Variants in CEP192 observed in about 807,000 individuals in gnomAD.
CEP192 encodes the protein centrosomal protein 192, also known as centrosomal protein of 192 kDa.
Under a neutral mutation model 271.8 loss-of-function variants are expected in CEP192, and 151 were observed. The observed-to-expected ratio is 0.56, with a 90% confidence interval of 0.49 to 0.64. The LOEUF (loss-of-function observed/expected upper bound fraction) is 0.64. CEP192 is among the 30% of genes least tolerant of loss of function. CEP192 has a pLI of 0.00. For synonymous variants in CEP192, 995 were observed against 1,076.5 expected (o/e 0.92, Z 1.48); for missense variants, 2,910 against 3,020.5 (o/e 0.96, Z 0.86).
intron 1 of CEP192, among the ~76,000 whole-genome samples, chr18:12,991,816 T>A (rs1402041495): frequency 6.6e-6 from 1 of 152,240 alleles, no homozygotes; most frequent in East Asian, 1.9e-4. Context: ...TGCAGTGTGC[T>A]TGTGAAGTGA....
chr18:13,056,550 T>C lies in CEP192; in HGVS notation c.3960T>C (p.Ser1320=). ...TTTGTCTAGGATCAAATATCGGCTCTGGATGGATGGGTACCTCTTCCCTCT... is the reference window on the plus strand; with the variant it reads ...TTTGTCTAGGATCAAATATCGGCTCCGGATGGATGGGTACCTCTTCCCTCT... The part of the protein sequence containing the change: ...VGICLGSNIG[S]GWMGTSSLCN... The change falls in exon 19 of 45, where the codon TCT becomes TCC. Residue 1320 remains serine (S), a synonymous_variant. Coordinates refer to ENST00000506447, the MANE Select transcript of CEP192 (RefSeq NM_032142.4). 1 of 1,614,252 alleles carries C rather than the reference T, an allele frequency of 6.2e-7. No homozygotes were observed. The highest frequency in any genetic ancestry group is 1.1e-5 in the South Asian group (1 of 91,088).
Position 13,071,126 on chromosome 18 carries a change from G to A in CEP192, c.5262G>A (p.Leu1754=). The change falls in exon 28 of 45, where the codon CTG becomes CTA. Residue 1754 remains leucine (L), a synonymous_variant. Coordinates refer to ENST00000506447, the MANE Select transcript of CEP192 (RefSeq NM_032142.4). ...GEVISSGSKP[L]SPGPCLDIPS... The stretch of plus-strand genomic sequence containing the variant: ...TCATTTCTTCAGGAAGTAAACCTCT[G>A]TCACCTGGACCTTGCTTAGATATTC... The A allele has an allele frequency of 6.2e-7, 1 of 1,614,126 alleles. No individual in the cohort carries two copies. The highest frequency in any genetic ancestry group is 1.3e-5 in the African/African-American group (1 of 75,046).
At chr18:13,118,953 C>G (rs2040550227) in intron 44 of CEP192, among the ~76,000 whole-genome samples, 1 of 152,162 alleles carries the variant, frequency 6.6e-6, no homozygotes, top group Non-Finnish European at 1.5e-5. Flanking sequence ...GAGAAAGGCC[C>G]AAGTTTAAAA....
intron 21 of CEP192, among the ~76,000 whole-genome samples, chr18:13,066,480 T>C (rs1431406776): frequency 6.6e-6 from 1 of 152,200 alleles, no homozygotes; most frequent in African/African-American, 2.4e-5. Flanking sequence ...TCATTGAGGC[T>C]GCTTTTTGCT....
intron 4 of CEP192, 147 bp downstream of exon 4, chr18:13,008,778 A>T: frequency 1.6e-6 from 1 of 606,948 alleles, no homozygotes. Flanking sequence ...ATCACAGCTC[A>T]CTGCAGCCTC....
chr18:13,117,752 C>T lies in CEP192; in HGVS notation c.7475+109C>T, dbSNP rs2040498793. The T allele has an allele frequency of 3.9e-6, 3 of 775,400 alleles. No individual in the cohort carries two copies. In the South Asian group the frequency reaches 4.8e-5, roughly 12 times the overall value. 48.0% of individuals were successfully genotyped at this position (775,400 alleles called of 1,614,324 possible). A position where few individuals can be genotyped will look rare whatever the true frequency, so the allele number is the denominator to read the frequency against. ...TGCTGCAGGTCCTCCATATTCCTCA[C>T]CAGCACCAAACAGCATTAGGCAGAG... On this transcript the variant is annotated intron_variant, in intron 44 of 44. Coordinates refer to ENST00000506447, the MANE Select transcript of CEP192 (RefSeq NM_032142.4).
At chr18:13,005,318 A>C (rs1237607330) in intron 3 of CEP192, among the ~76,000 whole-genome samples, 4 of 152,184 alleles carry the variant, frequency 2.6e-5, no homozygotes, top group Non-Finnish European at 5.9e-5. Context: ...TAGAAGGCAC[A>C]GTAGAAGGGT....
At chr18:13,114,911 C>G (rs1262364234) in intron 42 of CEP192, among the ~76,000 whole-genome samples, 1 of 152,144 alleles carries the variant, frequency 6.6e-6, no homozygotes, top group East Asian at 1.9e-4. Flanking sequence ...AAAACTTATA[C>G]CAGCCGCATA....
intron 17 of CEP192, among the ~76,000 whole-genome samples, chr18:13,050,807 T>C (rs2036743941): frequency 6.6e-6 from 1 of 152,158 alleles, no homozygotes; most frequent in Non-Finnish European, 1.5e-5. Flanking sequence ...TTTGAACTCC[T>C]GACCTCAGGT....
Position 13,049,283 on chromosome 18 carries a change from G to A in CEP192, c.2492G>A (p.Ser831Asn), listed in dbSNP as rs377052918. 2.5e-6 allele frequency: 4 copies of A among 1,614,026 alleles called. No individual in the cohort carries two copies. In the Admixed American group the frequency reaches 5.0e-5, roughly 20 times the overall value. The change falls in exon 16 of 45, where the codon AGT (serine) becomes AAT (asparagine). Residue 831 changes from serine to asparagine, a missense_variant. Transcript: ENST00000506447. ...CATCCGGTGGACTTAAGTGCTACTA[G>A]TGTAAGTGTGAGGGCACCAGAAGAA... Reference protein sequence around the residue: ...DIHPVDLSATSVSVRAPEENT... With the variant: ...DIHPVDLSATNVSVRAPEENT...
intron 34 of CEP192, among the ~76,000 whole-genome samples, chr18:13,095,017 A>G (rs181304358): frequency 3.0e-4 from 46 of 151,924 alleles, no homozygotes; most frequent in Admixed American, 7.9e-4. Flanking sequence ...GCCACCACCC[A>G]CCCCTGTCAC....
chr18:13,041,697 T>A (rs1320852676), intron 14 of CEP192, among the ~76,000 whole-genome samples: 1 of 151,834 alleles, frequency 6.6e-6, no homozygotes, highest in African/African-American at 2.4e-5. Context: ...CCCGAGTAGC[T>A]GGAATCACGG....
chr18:13,073,738 A>C (rs1231788603), intron 30 of CEP192, among the ~76,000 whole-genome samples: 2 of 152,192 alleles, frequency 1.3e-5, no homozygotes, highest in Non-Finnish European at 1.5e-5. Flanking sequence ...TGCTGCCTCC[A>C]GTCTCTTTTA....
chr18:13,071,329 A>G (rs2038001849), intron 28 of CEP192, 117 bp downstream of exon 28: 2 of 845,140 alleles, frequency 2.4e-6, no homozygotes, highest in Non-Finnish European at 3.6e-6. Context: ...TCAATTGTGC[A>G]GAACTGGAAA....
chr18:13,023,940 T>C (rs972906024), intron 9 of CEP192, among the ~76,000 whole-genome samples: 1 of 152,204 alleles, frequency 6.6e-6, no homozygotes, highest in Non-Finnish European at 1.5e-5. Context: ...TCGTGAGTTT[T>C]TTTCTGATAA....
chr18:13,007,001 C>T (rs995598874), intron 3 of CEP192, among the ~76,000 whole-genome samples: 4 of 152,118 alleles, frequency 2.6e-5, no homozygotes, highest in Non-Finnish European at 5.9e-5. Flanking sequence ...TTTCCGTCCC[C>T]ACTCTCCTGC....
intron 11 of CEP192, among the ~76,000 whole-genome samples, chr18:13,036,842 T>C (rs1301234643): frequency 6.6e-6 from 1 of 152,234 alleles, no homozygotes; most frequent in Admixed American, 6.5e-5. Flanking sequence ...TGGGGCACGC[T>C]TGTAGCCATC....
intron 37 of CEP192, 94 bp downstream of exon 37, chr18:13,099,675 C>A: frequency 1.6e-6 from 1 of 636,776 alleles, no homozygotes; most frequent in Admixed American, 2.8e-5. Flanking sequence ...TTTCAGAAAT[C>A]AAATGAAAGC....
chr18:13,063,769 G>T (rs980453969), intron 21 of CEP192, among the ~76,000 whole-genome samples: 11 of 150,702 alleles, frequency 7.3e-5, no homozygotes, highest in South Asian at 6.3e-4. Flanking sequence ...CGTTTGTGGG[G>T]TATTGCTCAA....
Sources: gnomAD v4.1 joint callset for allele counts (sites outside exome capture counted in the v4.1 genomes callset) on GRCh38, gnomAD v4.1.1 for gene constraint, MANE v1.5 for transcripts, NCBI Gene and HGNC (gene_info 2026-07-23, HGNC 2026-07-21) for gene names.